Variants in LRCH1 observed in about 807,000 individuals in gnomAD.
The protein encoded by LRCH1 is leucine rich repeats and calponin homology domain containing 1.
LRCH1 carries 23 observed loss-of-function variants against 94.9 expected under a neutral mutation model. The observed-to-expected ratio is 0.24, with a 90% confidence interval of 0.17 to 0.34. The LOEUF (loss-of-function observed/expected upper bound fraction) is 0.34. Among genes scored for constraint, LRCH1 ranks in the 10% least tolerant of loss-of-function variants. LRCH1 has a pLI of 1.00. For synonymous variants in LRCH1, 364 were observed against 354.9 expected (o/e 1.03, Z -0.29); for missense variants, 790 against 945.9 (o/e 0.84, Z 2.16).
intron 19 of LRCH1, among the ~76,000 whole-genome samples, chr13:46,735,788 CT>C (rs1288570749): frequency 1.4e-5 from 1 of 69,914 alleles, no homozygotes; most frequent in Non-Finnish European, 2.8e-5. Flanking sequence ...TTTTCTTTTT[CT>C]TTTCTTTTTT....
At chr13:46,593,958 G>A (rs983675530) in intron 1 of LRCH1, among the ~76,000 whole-genome samples, 16 of 152,088 alleles carry the variant, frequency 1.1e-4, no homozygotes, top group Admixed American at 1.3e-4. Flanking sequence ...ATTTTAAGTT[G>A]ATAGAGTCTT....
chr13:46,600,383 A>G (rs2050614235), intron 1 of LRCH1, among the ~76,000 whole-genome samples: 1 of 152,176 alleles, frequency 6.6e-6, no homozygotes, highest in South Asian at 2.1e-4. Context: ...GCCAAGAATA[A>G]CAGAGTTAGG....
intron 2 of LRCH1, among the ~76,000 whole-genome samples, chr13:46,666,486 G>A (rs1033211945): frequency 6.6e-6 from 1 of 152,204 alleles, no homozygotes; most frequent in Non-Finnish European, 1.5e-5. Flanking sequence ...AACTTAGAGT[G>A]TAACTCTGAG....
intron 1 of LRCH1, among the ~76,000 whole-genome samples, chr13:46,614,972 T>C (rs1164858833): frequency 1.3e-5 from 2 of 152,194 alleles, no homozygotes; most frequent in African/African-American, 4.8e-5. Context: ...CTTAGACATT[T>C]TATTAGGAAG....
chr13:46,688,068 A>C, intron 6 of LRCH1, 89 bp downstream of exon 6: 1 of 1,337,200 alleles, frequency 7.5e-7, no homozygotes, highest in South Asian at 1.9e-5. Context: ...TGTTTGTTTT[A>C]AGTCACCATG....
intron 4 of LRCH1, among the ~76,000 whole-genome samples, chr13:46,682,852 A>G (rs1870400164): frequency 6.6e-6 from 1 of 152,192 alleles, no homozygotes; most frequent in Admixed American, 6.5e-5. Flanking sequence ...GTTGAGTTCA[A>G]GGCAGATATG....
chr13:46,554,077 C>T (rs974588630), intron 1 of LRCH1, among the ~76,000 whole-genome samples: 1 of 152,264 alleles, frequency 6.6e-6, no homozygotes, highest in African/African-American at 2.4e-5. Context: ...GCTGTGTCGG[C>T]TTCCTGGGCC....
rs144812519 is a variant in LRCH1, at chr13:46,625,460, G to C, written c.308-24741G>C. Among the ~76,000 whole-genome samples, 325 of 152,180 alleles carry C rather than the reference G, an allele frequency of 2.1e-3. 2 individuals are homozygous for C. Among genetic ancestry groups the C allele is most frequent in the African/African-American group, 7.7e-3 (319 of 41,524 alleles). ...ACATGAATGGGATGTCTTTATAAAA[G>C]AGACCCCAGAGAGCTTCTTTCCTCT... On this transcript the variant is annotated intron_variant, in intron 1 of 19. Coordinates refer to ENST00000389797, the MANE Select transcript of LRCH1 (RefSeq NM_001164211.2).
intron 18 of LRCH1, chr13:46,750,403 G>C (rs1874077175): frequency 3.3e-6 from 2 of 600,646 alleles, no homozygotes; most frequent in Admixed American, 3.1e-5. Context: ...GAAAGCAAAG[G>C]AAGGAGCTTG....
At chr13:46,648,710 C>G (rs1166946307) in intron 1 of LRCH1, among the ~76,000 whole-genome samples, 2 of 152,080 alleles carry the variant, frequency 1.3e-5, no homozygotes, top group African/African-American at 4.8e-5. Flanking sequence ...GCCTTAGTAG[C>G]ATTTTAAAGT....
chr13:46,706,114 AG>A (rs1157187650), intron 13 of LRCH1, among the ~76,000 whole-genome samples: 1 of 152,226 alleles, frequency 6.6e-6, no homozygotes, highest in Non-Finnish European at 1.5e-5. Flanking sequence ...AATAAGGAAA[AG>A]GGAAGTATTA....
At chr13:46,556,681 A>T (rs988882869) in intron 1 of LRCH1, among the ~76,000 whole-genome samples, 14 of 152,216 alleles carry the variant, frequency 9.2e-5, no homozygotes, top group Non-Finnish European at 4.4e-5. Flanking sequence ...GCTGAAGATT[A>T]TACCTCTACT....
Position 46,656,339 on chromosome 13 carries a change from T to C in LRCH1, c.452+5994T>C, listed in dbSNP as rs1232561731. On this transcript the variant is annotated intron_variant, in intron 2 of 19. Coordinates refer to ENST00000389797, the MANE Select transcript of LRCH1 (RefSeq NM_001164211.2). ...TTGTAGGCTAGTGTTTCTTCTCTCTTAAAAAAATGAAAGAATTGATGATGT... is the reference window on the plus strand; with the variant it reads ...TTGTAGGCTAGTGTTTCTTCTCTCTCAAAAAAATGAAAGAATTGATGATGT... 4.6e-5 allele frequency among the ~76,000 whole-genome samples: 7 copies of C among 152,152 alleles called. 1 individual carries two copies. The South Asian group carries it at 1.2e-3, about 27-fold the overall frequency.
intron 1 of LRCH1, among the ~76,000 whole-genome samples, chr13:46,571,894 GAA>G (rs946050864): frequency 4.0e-5 from 6 of 148,954 alleles, no homozygotes; most frequent in African/African-American, 1.5e-4. Context: ...GAGAGAGAGA[GAA>G]AGAGCGGGAG....
At chr13:46,707,037 G>T (rs1392871008) in intron 13 of LRCH1, among the ~76,000 whole-genome samples, 1 of 152,030 alleles carries the variant, frequency 6.6e-6, no homozygotes, top group East Asian at 1.9e-4. Flanking sequence ...ATAAATTCAT[G>T]GTGATAACAT....
At chr13:46,620,867 T>C (rs1485924742) in intron 1 of LRCH1, among the ~76,000 whole-genome samples, 1 of 152,230 alleles carries the variant, frequency 6.6e-6, no homozygotes, top group African/African-American at 2.4e-5. Flanking sequence ...TGCTGAAATG[T>C]TATGGGGGAC....
rs1247073768 is a variant in LRCH1 at position 46,579,488 on chromosome 13, TAACTTTGTAGCTGGTGGCAAAAA to T, written c.307+25788_307+25810del. ...CTTTTTTTTTTTTAACCATATATGC[TAACTTTGTAGCTGGTGGCAAAAA>T]AAGATTATTTTCCCTATATTAATGA... is the stretch of plus-strand genomic sequence containing the variant. On this transcript the variant is annotated intron_variant, in intron 1 of 19. Transcript: ENST00000389797. Among the ~76,000 whole-genome samples, 3 of 151,350 alleles carry T rather than the reference TAACTTTGTAGCTGGTGGCAAAAA, an allele frequency of 2.0e-5. 1 individual carries two copies. The highest frequency in any genetic ancestry group is 2.0e-4 in the Admixed American group (3 of 15,194).
chr13:46,710,440 T>C (rs1165427596), intron 13 of LRCH1, among the ~76,000 whole-genome samples: 1 of 152,158 alleles, frequency 6.6e-6, no homozygotes, highest in Non-Finnish European at 1.5e-5. Context: ...TAAACATACT[T>C]TAGGTGACTG....
intron 1 of LRCH1, among the ~76,000 whole-genome samples, chr13:46,596,058 CAGA>C (rs538637347): frequency 6.6e-6 from 1 of 152,232 alleles, no homozygotes; most frequent in East Asian, 1.9e-4. Flanking sequence ...CTTTAAAAAG[CAGA>C]AGTTTTTCAT....
Sources: gnomAD v4.1 joint callset for allele counts (sites outside exome capture counted in the v4.1 genomes callset) on GRCh38, gnomAD v4.1.1 for gene constraint, MANE v1.5 for transcripts, NCBI Gene and HGNC (gene_info 2026-07-23, HGNC 2026-07-21) for gene names.